PCDHGA11: variants seen among roughly 807,000 people sequenced by gnomAD.
PCDHGA11 encodes the protein protocadherin gamma-A11.
A neutral mutation model predicts 60.4 loss-of-function variants in PCDHGA11; 39 were observed. The ratio of observed to expected loss-of-function variants is 0.65; its 90% CI spans 0.50 to 0.84. The LOEUF is 0.84. Ranked by LOEUF, PCDHGA11 falls within the 40% of genes least tolerant of loss-of-function variation. The pLI is 0.00. For synonymous variants in PCDHGA11, 533 were observed against 510.3 expected (o/e 1.04, Z -0.60); for missense variants, 1,165 against 1,197.7 (o/e 0.97, Z 0.40).
At chr5:141,457,412 C>A (rs2098919309) in intron 1 of PCDHGA11, among the ~76,000 whole-genome samples, 1 of 152,188 alleles carries the variant, frequency 6.6e-6, no homozygotes. Flanking sequence ...TCACATTACC[C>A]ATCCCTTTTT....
intron 1 of PCDHGA11, among the ~76,000 whole-genome samples, chr5:141,450,145 T>A (rs2098671113): frequency 6.6e-6 from 1 of 151,890 alleles, no homozygotes; most frequent in South Asian, 2.1e-4. Flanking sequence ...TAGCTGGGAC[T>A]ACAGGCATGT....
At chr5:141,469,081 A>C (rs1451214440) in intron 1 of PCDHGA11, among the ~76,000 whole-genome samples, 1 of 151,790 alleles carries the variant, frequency 6.6e-6, no homozygotes, top group Non-Finnish European at 1.5e-5. Context: ...GTTTGAGACC[A>C]TTCTAGGCAA....
rs551396089 is a variant in PCDHGA11, at chr5:141,423,798, A to T, written c.2433+138A>T. On this transcript the variant is annotated intron_variant, in intron 1 of 3. Coordinates refer to ENST00000398587, the MANE Select transcript of PCDHGA11 (RefSeq NM_018914.3). ...TATTTAGTTCATATATATTTAGAGC[A>T]ATACATGTGAGTTTTACTTTGCCTT... is the stretch of plus-strand genomic sequence containing the variant. 3.3e-6 allele frequency: 4 copies of T among 1,222,280 alleles called. No homozygotes were observed. The South Asian group carries it at 1.1e-4, about 33-fold the overall frequency. 75.7% of individuals were successfully genotyped at this position (1,222,280 alleles called of 1,614,324 possible). A position where few individuals can be genotyped will look rare whatever the true frequency, so the allele number is the denominator to read the frequency against.
intron 1 of PCDHGA11, among the ~76,000 whole-genome samples, chr5:141,463,205 A>T (rs2099054933): frequency 6.6e-6 from 1 of 152,080 alleles, no homozygotes; most frequent in Non-Finnish European, 1.5e-5. Context: ...AGACTTGGGG[A>T]TCCATATTAA....
At chr5:141,429,845 T>C (rs888160645) in intron 1 of PCDHGA11, among the ~76,000 whole-genome samples, 4 of 152,222 alleles carry the variant, frequency 2.6e-5, no homozygotes, top group Non-Finnish European at 1.5e-5. Context: ...GGTAAGTCTG[T>C]AACATTCTTT....
In PCDHGA11 at chr5:141,477,605, T is replaced by A. The variant is rs1339408637; in HGVS notation, c.2434-17202T>A. On this transcript the variant is annotated intron_variant, in intron 1 of 3. Transcript: ENST00000398587. This position sits in a 1 kb window ranked among gnomAD's most constrained non-coding sequence, Gnocchi z 4.9. ...GAATGCTCGGCTTTCTTTCTTTCTCTTGGAGCAAGGAGCTGAAACCGGGCT... is the reference window on the plus strand; with the variant it reads ...GAATGCTCGGCTTTCTTTCTTTCTCATGGAGCAAGGAGCTGAAACCGGGCT... The A allele has an allele frequency of 6.2e-6, 10 of 1,614,102 alleles. No individual in the cohort carries two copies. In the South Asian group the frequency reaches 1.1e-4, roughly 18 times the overall value.
Position 141,422,543 on chromosome 5 carries a change from T to A in PCDHGA11, c.1316T>A (p.Val439Asp). 5 of 1,614,000 alleles carry A rather than the reference T, an allele frequency of 3.1e-6. No homozygotes were observed. Among genetic ancestry groups the A allele is most frequent in the Non-Finnish European group, 4.2e-6 (5 of 1,179,880 alleles). ...GSPPLSAETH[V>D]WLNVADDNDN... is the part of the protein sequence containing the mutation. The stretch of plus-strand genomic sequence containing the variant: ...CCGCCTTTGTCTGCAGAAACTCATG[T>A]CTGGCTGAATGTGGCAGATGACAAC... Residue 439 changes from valine (V) to aspartate (D), a missense_variant, in exon 1 of 4, where the codon GTC becomes GAC. Val to Asp is a radical substitution (Grantham distance 152). Transcript: ENST00000398587.
chr5:141,487,397 G>C lies in PCDHGA11; in HGVS notation c.2434-7410G>C. On this transcript the variant is annotated intron_variant, in intron 1 of 3. Coordinates refer to ENST00000398587, the MANE Select transcript of PCDHGA11 (RefSeq NM_018914.3). The surrounding 1 kb of genome is among the most constrained non-coding windows in gnomAD (Gnocchi z 5.0). ...TCTCACCAGATCTCGAAGGAGGGAG[G>C]GGCTTCCCCCTTCCAATGGGATCCT... The C allele has an allele frequency of 6.2e-7, 1 of 1,614,062 alleles. No homozygotes were observed. The highest frequency in any genetic ancestry group is 8.5e-7 in the Non-Finnish European group (1 of 1,180,008).
intron 1 of PCDHGA11, among the ~76,000 whole-genome samples, chr5:141,464,901 G>A (rs1562002452): frequency 6.6e-6 from 1 of 151,916 alleles, no homozygotes; most frequent in Non-Finnish European, 1.5e-5. Context: ...ACCATGTCCA[G>A]CTAATTTTTT....
chr5:141,443,733 C>T (rs7723254), intron 1 of PCDHGA11, among the ~76,000 whole-genome samples: 16,856 of 152,062 alleles, frequency 0.11, 1,109 homozygotes, highest in African/African-American at 0.17. Context: ...TCATACATTT[C>T]CCTATCAGTG....
chr5:141,494,198 C>T (rs1383940298), intron 1 of PCDHGA11, among the ~76,000 whole-genome samples: 8 of 152,158 alleles, frequency 5.3e-5, no homozygotes, highest in African/African-American at 1.7e-4. Context: ...TTGGATGCCC[C>T]GCAAAGGCCC....
intron 1 of PCDHGA11, among the ~76,000 whole-genome samples, chr5:141,458,275 G>A (rs975142859): frequency 2.6e-5 from 4 of 152,142 alleles, no homozygotes; most frequent in Non-Finnish European, 5.9e-5. Flanking sequence ...GAACAACAGG[G>A]TTCCTGGTCC....
chr5:141,436,842 T>G (rs986680968), intron 1 of PCDHGA11, among the ~76,000 whole-genome samples: 3 of 152,376 alleles, frequency 2.0e-5, no homozygotes, highest in African/African-American at 7.2e-5. Flanking sequence ...CCTAGGCACA[T>G]TCTTGATTGA....
intron 3 of PCDHGA11, 72 bp from the exon 4 acceptor site, chr5:141,510,875 C>T: frequency 6.2e-7 from 1 of 1,610,120 alleles, no homozygotes; most frequent in Admixed American, 1.7e-5. Context: ...TCATTAACTG[C>T]TGGGGATATA....
At chr5:141,503,474 T>C (rs2099820145) in intron 2 of PCDHGA11, among the ~76,000 whole-genome samples, 1 of 151,828 alleles carries the variant, frequency 6.6e-6, no homozygotes, top group South Asian at 2.1e-4. Context: ...ATGTGTGCAC[T>C]TGTCGTCCCA....
rs1272708122 is a variant in PCDHGA11, at chr5:141,423,160, G to A, written c.1933G>A (p.Val645Met). ...AGACGCGCTCAAGCAGAGCCTCGTG[G>A]TGGCCGTCCAGGACCACGGCCAGCC... ...DRDALKQSLV[V>M]AVQDHGQPPL... The change falls in exon 1 of 4, where the codon GTG becomes ATG. Residue 645 changes from valine to methionine, a missense_variant. Transcript: ENST00000398587. 9.9e-6 allele frequency: 16 copies of A among 1,613,046 alleles called. No homozygotes were observed. Among genetic ancestry groups the A allele is most frequent in the Non-Finnish European group, 1.2e-5 (14 of 1,179,872 alleles).
intron 1 of PCDHGA11, among the ~76,000 whole-genome samples, chr5:141,494,447 G>C (rs1413012155): frequency 6.6e-6 from 1 of 152,118 alleles, no homozygotes. Context: ...GCCACTTTAG[G>C]GGGCTTTGTC....
Position 141,507,906 on chromosome 5 carries a change from G to A in PCDHGA11, c.2581+2425G>A, listed in dbSNP as rs2099864753. ...AGAGAGGTTCCTGAAGTCCAGCCCA[G>A]CCAGGCCTGTGGGGCTGCTGAGAGG... On this transcript the variant is annotated intron_variant, in intron 3 of 3. Coordinates refer to ENST00000398587, the MANE Select transcript of PCDHGA11 (RefSeq NM_018914.3). Among the ~76,000 whole-genome samples, 4 of 152,216 alleles carry A rather than the reference G, an allele frequency of 2.6e-5. No homozygotes were observed. The South Asian group carries it at 8.3e-4, about 32-fold the overall frequency.
At chr5:141,479,186 T>A (rs956575218) in intron 1 of PCDHGA11, 1 of 152,590 alleles carries the variant, frequency 6.6e-6, no homozygotes, top group Non-Finnish European at 1.5e-5. Flanking sequence ...GCTAGAAAAT[T>A]CAGAAAATAC....
Sources: gnomAD v4.1 joint callset for allele counts (sites outside exome capture counted in the v4.1 genomes callset) on GRCh38, gnomAD v4.1.1 for gene constraint, Gnocchi (gnomAD v3.1) non-coding constraint, MANE v1.5 for transcripts, NCBI Gene and HGNC (gene_info 2026-07-23, HGNC 2026-07-21) for gene names.